UVRAG: variants seen among roughly 807,000 people sequenced by gnomAD.
UVRAG encodes UV radiation resistance-associated gene protein.
Under a neutral mutation model 78.0 loss-of-function variants are expected in UVRAG, and 19 were observed. The ratio of observed to expected loss-of-function variants is 0.24; its 90% CI spans 0.17 to 0.36. The LOEUF (loss-of-function observed/expected upper bound fraction) is 0.36. Ranked by LOEUF, UVRAG falls within the 10% of genes least tolerant of loss-of-function variation. The probability of loss-of-function intolerance (pLI) is 1.00; values close to 1 mark genes in which losing one functional copy is unlikely to be tolerated. For synonymous variants in UVRAG, 323 were observed against 324.6 expected (o/e 1.00, Z 0.05); for missense variants, 740 against 853.8 (o/e 0.87, Z 1.66).
At chr11:75,856,024 C>G (rs933190767) in intron 2 of UVRAG, among the ~76,000 whole-genome samples, 4 of 152,218 alleles carry the variant, frequency 2.6e-5, no homozygotes, top group African/African-American at 9.6e-5. Flanking sequence ...GAGTCTCACT[C>G]TGTCGCCCAG....
intron 7 of UVRAG, 73 bp from the exon 8 acceptor site, chr11:75,983,314 C>A: frequency 7.6e-7 from 1 of 1,322,238 alleles, no homozygotes; most frequent in Non-Finnish European, 1.0e-6. Flanking sequence ...TATTTTTAAA[C>A]ATTGTGAGTA....
intron 12 of UVRAG, among the ~76,000 whole-genome samples, chr11:76,053,308 AACACACAC>A (rs377457433): frequency 2.1e-5 from 3 of 140,694 alleles, no homozygotes; most frequent in Admixed American, 7.1e-5. Context: ...TCTGTCTCAA[AACACACAC>A]ACACACACAC....
chr11:76,125,645 C>T (rs1418544958), intron 14 of UVRAG, among the ~76,000 whole-genome samples: 1 of 152,192 alleles, frequency 6.6e-6, no homozygotes, highest in Non-Finnish European at 1.5e-5. Flanking sequence ...TCCCCTACTC[C>T]AGCAACCAAG....
intron 6 of UVRAG, among the ~76,000 whole-genome samples, chr11:75,926,780 T>C (rs1265602963): frequency 6.6e-6 from 1 of 151,790 alleles, no homozygotes; most frequent in Non-Finnish European, 1.5e-5. Context: ...TAGTTGGGAA[T>C]AGAGGATATT....
chr11:75,993,461 G>T (rs1949650621), intron 8 of UVRAG, among the ~76,000 whole-genome samples: 1 of 152,092 alleles, frequency 6.6e-6, no homozygotes, highest in African/African-American at 2.4e-5. Flanking sequence ...TTTCTGGAAG[G>T]TATTAGTAGT....
chr11:75,957,563 T>C (rs1236714985), intron 6 of UVRAG, among the ~76,000 whole-genome samples: 1 of 152,144 alleles, frequency 6.6e-6, no homozygotes, highest in Non-Finnish European at 1.5e-5. Context: ...ATCTTACTAA[T>C]TTCTGTCAAA....
intron 12 of UVRAG, among the ~76,000 whole-genome samples, chr11:76,054,681 A>T (rs1950943681): frequency 6.6e-6 from 1 of 152,206 alleles, no homozygotes; most frequent in African/African-American, 2.4e-5. Flanking sequence ...GATAGCTTCA[A>T]GACTTTCTCT....
At chr11:75,820,425 G>A (rs1227377055) in intron 1 of UVRAG, among the ~76,000 whole-genome samples, 4 of 148,854 alleles carry the variant, frequency 2.7e-5, no homozygotes, top group Non-Finnish European at 4.4e-5. Context: ...TGCGATCTCC[G>A]CTCACCGCAA....
At chr11:76,088,089 T>A (rs2134422164) in intron 13 of UVRAG, among the ~76,000 whole-genome samples, 1 of 152,130 alleles carries the variant, frequency 6.6e-6, no homozygotes, top group Non-Finnish European at 1.5e-5. Context: ...GTTTTTTGAG[T>A]CAGAGTTTTG....
At chr11:76,016,577 C>G (rs546680348) in intron 11 of UVRAG, among the ~76,000 whole-genome samples, 6 of 152,144 alleles carry the variant, frequency 3.9e-5, no homozygotes, top group Non-Finnish European at 8.8e-5. Context: ...AGGTATATAT[C>G]AAATGTTAAT....
intron 12 of UVRAG, among the ~76,000 whole-genome samples, chr11:76,033,966 A>C (rs1950482182): frequency 6.6e-6 from 1 of 152,188 alleles, no homozygotes; most frequent in African/African-American, 2.4e-5. Flanking sequence ...ACTCAACCTA[A>C]GAACCTCAAT....
intron 6 of UVRAG, among the ~76,000 whole-genome samples, chr11:75,958,057 C>G (rs1419161397): frequency 2.0e-5 from 3 of 152,196 alleles, no homozygotes; most frequent in African/African-American, 7.2e-5. Context: ...TTAAAACATA[C>G]TTCATTGCTA....
intron 13 of UVRAG, among the ~76,000 whole-genome samples, chr11:76,095,531 A>G (rs1384479229): frequency 6.7e-6 from 1 of 149,710 alleles, no homozygotes; most frequent in Non-Finnish European, 1.5e-5. Flanking sequence ...ATATATAAAT[A>G]TATGTCTTAT....
chr11:76,089,343 G>A (rs1951653275), intron 13 of UVRAG, among the ~76,000 whole-genome samples: 1 of 152,082 alleles, frequency 6.6e-6, no homozygotes, highest in Non-Finnish European at 1.5e-5. Context: ...AAGTGTTATA[G>A]TGTTTTCTAA....
intron 3 of UVRAG, among the ~76,000 whole-genome samples, chr11:75,874,278 A>C (rs1158341245): frequency 1.3e-5 from 2 of 150,410 alleles, no homozygotes; most frequent in African/African-American, 5.0e-5. Context: ...AGAAAAAAAA[A>C]ACAACAACAC....
intron 1 of UVRAG, among the ~76,000 whole-genome samples, chr11:75,837,992 G>T (rs1407022523): frequency 6.6e-6 from 1 of 152,052 alleles, no homozygotes; most frequent in Non-Finnish European, 1.5e-5. Context: ...CGCCAGCCTG[G>T]GTGATAGAGT....
At chr11:76,104,355 G>T (rs971841592) in intron 13 of UVRAG, among the ~76,000 whole-genome samples, 7 of 152,096 alleles carry the variant, frequency 4.6e-5, no homozygotes, top group Non-Finnish European at 1.5e-5. Flanking sequence ...GACAAACCTA[G>T]AATTCAAAGT....
At chr11:75,838,603 T>C (rs905704185) in intron 1 of UVRAG, among the ~76,000 whole-genome samples, 4 of 152,168 alleles carry the variant, frequency 2.6e-5, no homozygotes, top group African/African-American at 7.2e-5. Context: ...TCCTCCCACA[T>C]TGGCCTCCCA....
At chr11:76,063,716 G>A (rs1951135266) in intron 12 of UVRAG, among the ~76,000 whole-genome samples, 1 of 152,062 alleles carries the variant, frequency 6.6e-6, no homozygotes, top group Non-Finnish European at 1.5e-5. Context: ...CTCCTTTAAT[G>A]AGTCCTCTTT....
Sources: allele counts gnomAD v4.1 joint callset (sites outside exome capture counted in the v4.1 genomes callset), GRCh38; gene constraint gnomAD v4.1.1; transcripts MANE v1.5; gene names NCBI Gene and HGNC (gene_info 2026-07-23, HGNC 2026-07-21).